Variants in MICAL2 observed in about 807,000 individuals in gnomAD.
The protein encoded by MICAL2 is [F-actin]-monooxygenase MICAL2.
A neutral mutation model predicts 127.3 loss-of-function variants in MICAL2; 77 were observed. That is an observed-to-expected ratio of 0.60 (90% confidence interval 0.50 to 0.73). The LOEUF is 0.73. Ranked by LOEUF, MICAL2 falls within the 30% of genes least tolerant of loss-of-function variation. The probability of loss-of-function intolerance (pLI) is 0.00; values close to 1 mark genes in which losing one functional copy is unlikely to be tolerated. For synonymous variants in MICAL2, 570 were observed against 551.1 expected (o/e 1.03, Z -0.48); for missense variants, 1,351 against 1,434.4 (o/e 0.94, Z 0.94).
At chr11:12,206,251 G>A in intron 4 of MICAL2, among the ~76,000 whole-genome samples, 1 of 152,186 alleles carries the variant, frequency 6.6e-6, no homozygotes, top group Admixed American at 6.5e-5. Flanking sequence ...GGGGCCCTGG[G>A]CTGGTTGGGC....
chr11:12,309,105 G>A (rs1401928683), intron 29 of MICAL2, among the ~76,000 whole-genome samples: 2 of 151,994 alleles, frequency 1.3e-5, no homozygotes, highest in Non-Finnish European at 2.9e-5. Flanking sequence ...ATATTTTGAT[G>A]CATATATGTA....
downstream of MICAL2, among the ~76,000 whole-genome samples, chr11:12,267,498 C>T (rs1312828222): frequency 6.6e-6 from 1 of 152,182 alleles, no homozygotes; most frequent in East Asian, 1.9e-4. Context: ...CACCTCCGCA[C>T]TAACCACCCT....
chr11:12,134,494 G>T (rs1407189355), intron 1 of MICAL2, among the ~76,000 whole-genome samples: 1 of 152,158 alleles, frequency 6.6e-6, no homozygotes, highest in Non-Finnish European at 1.5e-5. Context: ...CTGCTCCAGG[G>T]GCTTGCAGTG....
chr11:12,180,349 A>ATATATATATATATATATATATATATAT (rs11403732), intron 3 of MICAL2, among the ~76,000 whole-genome samples: 4 of 139,678 alleles, frequency 2.9e-5, no homozygotes, highest in Admixed American at 7.5e-5. Flanking sequence ...ATATGTATAT[A>ATATATATATATATATATATATATATAT]TTTTTTTTTT....
chr11:12,239,628 C>A (rs1565226724), intron 17 of MICAL2, 43 bp downstream of exon 17: 1 of 1,597,764 alleles, frequency 6.3e-7, no homozygotes, highest in East Asian at 2.2e-5. Context: ...TTCCTGGTGA[C>A]TTTTCAGCAG....
intron 1 of MICAL2, among the ~76,000 whole-genome samples, chr11:12,133,315 C>T (rs548944687): frequency 6.6e-6 from 1 of 152,174 alleles, no homozygotes; most frequent in South Asian, 2.1e-4. Context: ...CTCCTGACCT[C>T]AAGCGATCTG....
chr11:12,272,226 C>G (rs557813794), upstream of MICAL2, among the ~76,000 whole-genome samples: 2 of 152,284 alleles, frequency 1.3e-5, no homozygotes, highest in East Asian at 3.9e-4. Context: ...CACCCGCAGC[C>G]GCCTCATCCT....
chr11:12,194,818 G>C (rs544149765), intron 3 of MICAL2, among the ~76,000 whole-genome samples: 1 of 152,280 alleles, frequency 6.6e-6, no homozygotes, highest in African/African-American at 2.4e-5. Context: ...TTAGAAGAAT[G>C]ACCATTCACA....
downstream of MICAL2, among the ~76,000 whole-genome samples, chr11:12,360,266 T>C (rs1309005374): frequency 1.3e-5 from 2 of 152,184 alleles, no homozygotes; most frequent in Non-Finnish European, 2.9e-5. Context: ...TGGTGAGAAT[T>C]GATAATATCA....
At chr11:12,120,032 G>T (rs1171928602) in intron 1 of MICAL2, among the ~76,000 whole-genome samples, 1 of 152,158 alleles carries the variant, frequency 6.6e-6, no homozygotes, top group African/African-American at 2.4e-5. Flanking sequence ...TGTACCGAAG[G>T]ACAGAGCCTC....
At chr11:12,243,015 C>T (rs922461178) in intron 20 of MICAL2, 4 of 368,198 alleles carry the variant, frequency 1.1e-5, no homozygotes, top group African/African-American at 2.2e-5. Flanking sequence ...AAACACAGAT[C>T]GAGAAAGGCA....
chr11:12,183,084 A>G (rs6485555), intron 3 of MICAL2, among the ~76,000 whole-genome samples: 147,761 of 152,078 alleles, frequency 0.97, 71,988 homozygotes, highest in Non-Finnish European at 1. Flanking sequence ...AAAATGATGG[A>G]ATGCTTTCTT....
At chr11:12,183,220 G>T (rs1482158072) in intron 3 of MICAL2, among the ~76,000 whole-genome samples, 1 of 151,634 alleles carries the variant, frequency 6.6e-6, no homozygotes, top group Non-Finnish European at 1.5e-5. Context: ...GTGGTCACTG[G>T]GTTTGGATGT....
chr11:12,292,137 T>C, downstream of MICAL2: 1 of 1,612,978 alleles, frequency 6.2e-7, no homozygotes, highest in Non-Finnish European at 8.5e-7. Context: ...GTTCTTTCCT[T>C]GGTAGGTTTG....
At chr11:12,343,846 A>G (rs1472581561) in intron 32 of MICAL2, among the ~76,000 whole-genome samples, 1 of 152,252 alleles carries the variant, frequency 6.6e-6, no homozygotes, top group Admixed American at 6.5e-5. Context: ...TCCTTAATCT[A>G]GAAACATTAA....
intron 31 of MICAL2, among the ~76,000 whole-genome samples, chr11:12,326,372 G>A (rs925357745): frequency 2.6e-5 from 4 of 152,110 alleles, no homozygotes; most frequent in Admixed American, 2.6e-4. Flanking sequence ...ATATAGGAAT[G>A]GCTTTTCCCT....
intron 3 of MICAL2, among the ~76,000 whole-genome samples, chr11:12,191,785 AAG>A (rs10584334): frequency 0.43 from 65,333 of 151,672 alleles, 14,168 homozygotes; most frequent in East Asian, 0.55. Context: ...AAAAGAAAAA[AAG>A]AGAGAGATGT....
At chr11:12,162,475 G>T (rs1468377299) in intron 3 of MICAL2, 56 bp downstream of exon 3, 3 of 1,595,696 alleles carry the variant, frequency 1.9e-6, no homozygotes. Context: ...TGACATTTGG[G>T]AGGTTAGGAA....
At chr11:12,258,393 G>A in intron 24 of MICAL2, 75 bp from the exon 25 acceptor site, 1 of 1,114,420 alleles carries the variant, frequency 9.0e-7, no homozygotes, top group Admixed American at 1.7e-5. Context: ...ACAGTGGTGG[G>A]CACTTGGCTT....
Sources: gnomAD v4.1 joint callset for allele counts (sites outside exome capture counted in the v4.1 genomes callset) on GRCh38, gnomAD v4.1.1 for gene constraint, MANE v1.5 for transcripts, NCBI Gene and HGNC (gene_info 2026-07-23, HGNC 2026-07-21) for gene names.